Variants in NELL1 observed in about 807,000 individuals in gnomAD.
The protein encoded by NELL1 is protein kinase C-binding protein NELL1.
Under a neutral mutation model 107.4 loss-of-function variants are expected in NELL1, and 76 were observed. That is an observed-to-expected ratio of 0.71 (90% CI 0.59 to 0.86). The LOEUF (loss-of-function observed/expected upper bound fraction) is 0.86, where lower values mean the gene tolerates loss of function less well. NELL1 is among the 40% of genes least tolerant of loss of function. The pLI is 0.00. For synonymous variants in NELL1, 353 were observed against 341.2 expected (o/e 1.03, Z -0.38); for missense variants, 1,024 against 1,005.5 (o/e 1.02, Z -0.25).
At chr11:20,799,334 T>A (rs142886399) in intron 3 of NELL1, among the ~76,000 whole-genome samples, 3 of 152,298 alleles carry the variant, frequency 2.0e-5, no homozygotes, top group African/African-American at 7.2e-5. Flanking sequence ...CCGTGTATCA[T>A]GACAAAGTGT....
intron 11 of NELL1, among the ~76,000 whole-genome samples, chr11:20,953,381 A>G (rs1851106983): frequency 2.0e-5 from 3 of 152,204 alleles, no homozygotes; most frequent in Non-Finnish European, 4.4e-5. Context: ...GTGAATCATA[A>G]CGATGTATGT....
chr11:21,416,346 A>G (rs1479671884), intron 15 of NELL1, among the ~76,000 whole-genome samples: 1 of 152,094 alleles, frequency 6.6e-6, no homozygotes, highest in Non-Finnish European at 1.5e-5. Flanking sequence ...TGCCTCCTTA[A>G]TAATTAGTGA....
At chr11:21,257,521 G>A (rs910109180) in intron 14 of NELL1, among the ~76,000 whole-genome samples, 1 of 151,878 alleles carries the variant, frequency 6.6e-6, no homozygotes, top group Non-Finnish European at 1.5e-5. Flanking sequence ...ACAATAAACT[G>A]GAATCTGAGC....
chr11:21,253,201 G>T (rs563638365), intron 14 of NELL1, among the ~76,000 whole-genome samples: 1 of 152,140 alleles, frequency 6.6e-6, no homozygotes, highest in African/African-American at 2.4e-5. Context: ...CTTAATGAAA[G>T]AATGAGGCTG....
At chr11:20,969,718 ACT>A (rs567450240) in intron 12 of NELL1, among the ~76,000 whole-genome samples, 41 of 152,098 alleles carry the variant, frequency 2.7e-4, no homozygotes, top group African/African-American at 9.9e-4. Context: ...ATGGATCCTG[ACT>A]CTATCATTTA....
chr11:21,139,063 G>A (rs1279314688), intron 13 of NELL1, among the ~76,000 whole-genome samples: 1 of 152,218 alleles, frequency 6.6e-6, no homozygotes, highest in African/African-American at 2.4e-5. Context: ...AGTTTGGTGT[G>A]TAATAACCTC....
At position 21,169,927 on chromosome 11, in the gene NELL1, G is replaced by A. The variant is rs904231077; in HGVS notation, c.1426+56213G>A. The A allele has an allele frequency of 1.2e-5, 18 of 1,461,548 alleles. No homozygotes were observed. The African/African-American group carries it at 2.5e-4, about 21-fold the overall frequency. The allele number at this position is 1,461,548 out of a possible 1,614,324, so 90.5% of individuals were successfully genotyped here. A position where few individuals can be genotyped will look rare whatever the true frequency, so the allele number is the denominator to read the frequency against. ...CGTCCACCGATGCCTTTTATGGCAG[G>A]AGGAAGTGCGGCTGGACCAAGAGCC... On this transcript the variant is annotated intron_variant, in intron 13 of 19. Transcript: ENST00000357134.
chr11:21,522,409 CA>C (rs1416182742), intron 15 of NELL1, among the ~76,000 whole-genome samples: 1 of 152,130 alleles, frequency 6.6e-6, no homozygotes, highest in African/African-American at 2.4e-5. Context: ...ATATCTTTTG[CA>C]GCAACATAGA....
intron 3 of NELL1, among the ~76,000 whole-genome samples, chr11:20,833,133 G>A (rs1041624527): frequency 1.3e-5 from 2 of 152,120 alleles, no homozygotes; most frequent in Non-Finnish European, 2.9e-5. Flanking sequence ...TGTGTCTTTG[G>A]TCATCATTTA....
intron 14 of NELL1, among the ~76,000 whole-genome samples, chr11:21,316,517 G>A (rs982861219): frequency 4.6e-5 from 7 of 152,072 alleles, no homozygotes; most frequent in Non-Finnish European, 8.8e-5. Context: ...CAGTCACAGG[G>A]GTGCCATGCT....
intron 5 of NELL1, among the ~76,000 whole-genome samples, chr11:20,897,501 G>T (rs1376249544): frequency 6.6e-6 from 1 of 152,132 alleles, no homozygotes; most frequent in East Asian, 1.9e-4. Context: ...AAGGACATAG[G>T]CATGGGCAAG....
intron 14 of NELL1, among the ~76,000 whole-genome samples, chr11:21,286,747 T>C (rs891298736): frequency 2.0e-5 from 3 of 152,218 alleles, no homozygotes; most frequent in African/African-American, 7.2e-5. Context: ...AGTAAAATTT[T>C]TCATTTCCAC....
chr11:21,124,113 TTATACTC>T (rs911724220), intron 13 of NELL1, among the ~76,000 whole-genome samples: 1 of 152,156 alleles, frequency 6.6e-6, no homozygotes, highest in African/African-American at 2.4e-5. Context: ...TACTTTTTCT[TTATACTC>T]TATATATTTT....
At chr11:21,071,759 C>A (rs1854021232) in intron 12 of NELL1, among the ~76,000 whole-genome samples, 1 of 152,136 alleles carries the variant, frequency 6.6e-6, no homozygotes, top group Non-Finnish European at 1.5e-5. Flanking sequence ...AAGCTCGGCT[C>A]TAAGAGGGGA....
chr11:20,855,109 C>T (rs1433378984), intron 4 of NELL1, among the ~76,000 whole-genome samples: 1 of 152,168 alleles, frequency 6.6e-6, no homozygotes, highest in African/African-American at 2.4e-5. Flanking sequence ...TCCAAGTTAA[C>T]CTTGTCCTAT....
chr11:21,394,295 A>G (rs7118223), intron 15 of NELL1, among the ~76,000 whole-genome samples: 3,437 of 151,696 alleles, frequency 0.023, 57 homozygotes, highest in South Asian at 0.049. Flanking sequence ...GCCTGCTTCT[A>G]AGATTTATAT....
In NELL1 at chr11:20,707,886, C is replaced by T. The variant is rs190611643; in HGVS notation, c.184+29826C>T. Among the ~76,000 whole-genome samples the T allele has an allele frequency of 3.5e-3, 527 of 152,302 alleles. 3 individuals are homozygous for T. Among genetic ancestry groups the T allele is most frequent in the Middle Eastern group, 6.8e-3 (2 of 294 alleles). On this transcript the variant is annotated intron_variant, in intron 2 of 19. Transcript: ENST00000357134. ...TTTCTTCAAAGCTGTCAGACAGGGA[C>T]GTTTAAGTCTGCAGAACTTTCTGCT...
At chr11:21,309,601 T>C (rs1849704278) in intron 14 of NELL1, among the ~76,000 whole-genome samples, 1 of 151,984 alleles carries the variant, frequency 6.6e-6, no homozygotes, top group Admixed American at 6.6e-5. Context: ...TTAGTCCATT[T>C]TCATGCTACT....
chr11:21,439,852 A>AT (rs76416725), intron 15 of NELL1, among the ~76,000 whole-genome samples: 9 of 151,918 alleles, frequency 5.9e-5, no homozygotes, highest in Non-Finnish European at 1.3e-4. Context: ...TTCTAGCACC[A>AT]TTTTTTTCCA....
Sources: allele counts gnomAD v4.1 joint callset (sites outside exome capture counted in the v4.1 genomes callset), GRCh38; gene constraint gnomAD v4.1.1; transcripts MANE v1.5; gene names NCBI Gene and HGNC (gene_info 2026-07-23, HGNC 2026-07-21).